The following DPH6 variants were observed in gnomAD, a reference collection of about 807,000 sequenced individuals.
The protein encoded by DPH6 is diphthine--ammonia ligase.
DPH6 carries 33 observed loss-of-function variants against 38.2 expected under a neutral mutation model. The ratio of observed to expected loss-of-function variants is 0.86; its 90% CI spans 0.65 to 1.15. The LOEUF (loss-of-function observed/expected upper bound fraction) is 1.15. Ranked by LOEUF, DPH6 falls within the 50% of genes most tolerant of loss-of-function variation. The pLI is 0.00. For missense variants in DPH6, 325 were observed against 320.0 expected, an observed-to-expected ratio of 1.02 and a Z score of -0.12; for synonymous variants, 108 against 103.0, an observed-to-expected ratio of 1.05 and a Z score of -0.30.
At chr15:35,251,321 A>C (rs1331181441) in intron 3 of DPH6, among the ~76,000 whole-genome samples, 1 of 152,142 alleles carries the variant, frequency 6.6e-6, no homozygotes, top group Non-Finnish European at 1.5e-5. Context: ...TCTACATCAG[A>C]AATGTCTCTT....
intron 7 of DPH6, among the ~76,000 whole-genome samples, chr15:35,378,557 C>A (rs989755097): frequency 6.6e-6 from 1 of 152,134 alleles, no homozygotes; most frequent in African/African-American, 2.4e-5. Context: ...ATTCACATAG[C>A]AAAGACTTGG....
At chr15:35,461,175 G>A (rs1045651771) in intron 3 of DPH6, among the ~76,000 whole-genome samples, 3 of 152,094 alleles carry the variant, frequency 2.0e-5, no homozygotes, top group African/African-American at 7.2e-5. Context: ...ACCTCCGCCT[G>A]CCGGGTTCAA....
chr15:35,501,892 T>C (rs1025064363), intron 3 of DPH6, among the ~76,000 whole-genome samples: 9 of 152,124 alleles, frequency 5.9e-5, no homozygotes, highest in African/African-American at 2.2e-4. Context: ...ACTTAACTCA[T>C]CCAATTTAAG....
chr15:35,204,333 T>C, the DPH6 span, among the ~76,000 whole-genome samples: 3 of 151,832 alleles, frequency 2.0e-5, no homozygotes, highest in Non-Finnish European at 4.4e-5. Flanking sequence ...AAATTTGTTA[T>C]TGGGCGTCCT....
intron 3 of DPH6, among the ~76,000 whole-genome samples, chr15:35,497,527 C>T (rs1237676325): frequency 1.3e-5 from 2 of 152,116 alleles, no homozygotes; most frequent in African/African-American, 2.4e-5. Flanking sequence ...TAGCCATATC[C>T]ATAGTCGGAA....
At position 35,374,542 on chromosome 15, in the gene DPH6, T is replaced by G. The variant is rs543267279; in HGVS notation, c.663-934A>C. Reference sequence around the variant, plus strand: ...TTGGCTCCAAATTATTAAACTTTCATAAGCAAAATGTTTACTTCCCACTTG... The same window carrying G: ...TTGGCTCCAAATTATTAAACTTTCAGAAGCAAAATGTTTACTTCCCACTTG... On this transcript the variant is annotated intron_variant, in intron 7 of 8. Coordinates refer to ENST00000256538, the MANE Select transcript of DPH6 (RefSeq NM_080650.4). Among the ~76,000 whole-genome samples the G allele has an allele frequency of 5.3e-5, 8 of 152,246 alleles. No individual in the cohort carries two copies. The East Asian group carries it at 1.4e-3, about 26-fold the overall frequency.
At chr15:35,407,637 A>G (rs1038010031) in intron 6 of DPH6, among the ~76,000 whole-genome samples, 1 of 152,018 alleles carries the variant, frequency 6.6e-6, no homozygotes, top group African/African-American at 2.4e-5. Context: ...TTGAGGAGGT[A>G]GCATTTGAGT....
chr15:35,483,636 G>A (rs1023720521), intron 3 of DPH6, among the ~76,000 whole-genome samples: 1 of 152,282 alleles, frequency 6.6e-6, no homozygotes, highest in South Asian at 2.1e-4. Flanking sequence ...TTTGAAAACA[G>A]CTTGGTAGTT....
At chr15:35,186,871 T>A in the DPH6 span, among the ~76,000 whole-genome samples, 2 of 152,124 alleles carry the variant, frequency 1.3e-5, no homozygotes, top group Admixed American at 6.5e-5. Context: ...TAGAAAACAA[T>A]ATGAAGATTC....
chr15:35,320,679 C>T (rs942094003), intron 3 of DPH6, among the ~76,000 whole-genome samples: 9 of 152,142 alleles, frequency 5.9e-5, no homozygotes, highest in Admixed American at 6.5e-5. Flanking sequence ...TTTCCTTCTT[C>T]GTGGAGTTGC....
At chr15:35,538,211 G>C (rs945483607) in intron 3 of DPH6, 63 bp downstream of exon 3, 2 of 1,296,532 alleles carry the variant, frequency 1.5e-6, no homozygotes, top group Non-Finnish European at 2.0e-6. Flanking sequence ...TAAATAATTC[G>C]GCAAATGTAA....
the DPH6 span, among the ~76,000 whole-genome samples, chr15:35,186,614 T>C: frequency 6.6e-6 from 1 of 152,244 alleles, no homozygotes; most frequent in Non-Finnish European, 1.5e-5. Flanking sequence ...CAGATCACCA[T>C]TGTCTTTATT....
At chr15:35,497,273 T>C (rs546711798) in intron 3 of DPH6, among the ~76,000 whole-genome samples, 32 of 152,324 alleles carry the variant, frequency 2.1e-4, no homozygotes, top group Admixed American at 1.8e-3. Flanking sequence ...AGTCAACAAA[T>C]ATTTGTTAAA....
intron 3 of DPH6, among the ~76,000 whole-genome samples, chr15:35,534,761 T>C (rs1398722191): frequency 6.6e-6 from 1 of 152,132 alleles, no homozygotes; most frequent in African/African-American, 2.4e-5. Flanking sequence ...ATCAAACAAC[T>C]AGTGGAAGAA....
At chr15:35,343,649 C>T (rs1197751801) in intron 3 of DPH6, among the ~76,000 whole-genome samples, 1 of 151,850 alleles carries the variant, frequency 6.6e-6, no homozygotes, top group Non-Finnish European at 1.5e-5. Context: ...ATAATTTATC[C>T]TTTAACAAGT....
At position 35,450,819 on chromosome 15, in the gene DPH6, A is replaced by C; in HGVS notation, c.387-16T>G. On this transcript the variant is annotated splice_polypyrimidine_tract_variant and intron_variant, in intron 4 of 8. Coordinates refer to ENST00000256538, the MANE Select transcript of DPH6 (RefSeq NM_080650.4). Reference sequence around the variant, plus strand: ...CCTTTTACACCTACAAAAGAAAAAGAAAAAGAAAGTCAGATGATCTCTTAA... The same window carrying C: ...CCTTTTACACCTACAAAAGAAAAAGCAAAAGAAAGTCAGATGATCTCTTAA... 6.3e-7 allele frequency: 1 copy of C among 1,575,344 alleles called. No individual in the cohort carries two copies.
intron 3 of DPH6, chr15:35,521,291 T>C: frequency 1.0e-6 from 1 of 989,272 alleles, no homozygotes; most frequent in South Asian, 4.7e-5. Context: ...GCTTTTATAA[T>C]GGTCCTGTAA....
In DPH6 at chr15:35,357,121, G is replaced by C. The variant is rs796137958; in HGVS notation, n.207+16400C>G. Among the ~76,000 whole-genome samples, 9 of 152,358 alleles carry C rather than the reference G, an allele frequency of 5.9e-5. 1 individual carries two copies. Among genetic ancestry groups the C allele is most frequent in the African/African-American group, 2.2e-4 (9 of 41,592 alleles). On this transcript the variant is annotated intron_variant and non_coding_transcript_variant, in intron 3 of 3. Coordinates refer to the DPH6 transcript ENST00000558973. ...AATCTCCTGTTGTGCCGTTTGCTAA[G>C]ACTGTTGGAGAAGCGCAGTATTAGC...
At chr15:35,367,206 G>C (rs1455573321), downstream of DPH6, among the ~76,000 whole-genome samples, 1 of 151,666 alleles carries the variant, frequency 6.6e-6, no homozygotes, top group Admixed American at 6.6e-5. Flanking sequence ...TTAGTACTTA[G>C]GAAATTATTT....
Sources: gnomAD v4.1 joint callset for allele counts (sites outside exome capture counted in the v4.1 genomes callset) on GRCh38, gnomAD v4.1.1 for gene constraint, MANE v1.5 for transcripts, NCBI Gene and HGNC (gene_info 2026-07-23, HGNC 2026-07-21) for gene names.